Variants in SATB1 observed in about 807,000 individuals in gnomAD.
The protein encoded by SATB1 is SATB homeobox 1.
SATB1 carries 11 observed loss-of-function variants against 86.9 expected under a neutral mutation model. The ratio of observed to expected loss-of-function variants is 0.13; its 90% CI spans 0.08 to 0.21. The LOEUF is 0.21. Ranked by LOEUF, SATB1 falls within the 10% of genes least tolerant of loss-of-function variation. The pLI is 1.00. For missense variants in SATB1, 551 were observed against 937.6 expected, an observed-to-expected ratio of 0.59 and a Z score of 5.39; for synonymous variants, 357 against 357.2, an observed-to-expected ratio of 1.00 and a Z score of 0.01.
In SATB1 at chr3:18,375,407, C is replaced by T. The variant is rs193186193; in HGVS notation, c.1575+2763G>A. Among the ~76,000 whole-genome samples, 6 of 152,176 alleles carry T rather than the reference C, an allele frequency of 3.9e-5. No homozygotes were observed. In the East Asian group the frequency reaches 1.2e-3, roughly 29 times the overall value. ...CGATGGTTAAGTCAACCCAGACAAC[C>T]AGGGCAAGACACAGAAGCAGATGTA... On this transcript the variant is annotated intron_variant, in intron 9 of 10. Coordinates refer to ENST00000338745, the MANE Select transcript of SATB1 (RefSeq NM_002971.6).
chr3:18,385,625 A>G (rs1193420477), intron 8 of SATB1, among the ~76,000 whole-genome samples: 1 of 53,714 alleles, frequency 1.9e-5, no homozygotes, highest in Non-Finnish European at 3.9e-5. Context: ...TCCATCTCAA[A>G]AGAAAAAAAA....
chr3:18,347,003 T>C lies in SATB1; in HGVS notation c.*2167A>G, dbSNP rs148313415. The stretch of plus-strand genomic sequence containing the variant: ...AAGTGGCAACTTTTCAGTACAATTT[T>C]AAGTTTGCAACAAACCAGCTGCCTT... On this transcript the variant is annotated 3_prime_UTR_variant, in exon 11 of 11. Transcript: ENST00000338745. 1 of 152,312 alleles carries C rather than the reference T, an allele frequency of 6.6e-6. No homozygotes were observed. The highest frequency in any genetic ancestry group is 6.5e-5 in the Admixed American group (1 of 15,292). The allele number at this position is 152,312 out of a possible 1,614,324, so 9.4% of individuals were successfully genotyped here.
chr3:18,377,042 GC>G (rs1559413422), intron 9 of SATB1, among the ~76,000 whole-genome samples: 1 of 152,062 alleles, frequency 6.6e-6, no homozygotes, highest in Non-Finnish European at 1.5e-5. Flanking sequence ...ATTTCATCAG[GC>G]CTATAACTTA....
chr3:18,358,203 C>T (rs1483175058), intron 9 of SATB1, among the ~76,000 whole-genome samples: 1 of 151,854 alleles, frequency 6.6e-6, no homozygotes, highest in Non-Finnish European at 1.5e-5. Context: ...TTTCTTCTTT[C>T]CCATTCAAAT....
intron 9 of SATB1, among the ~76,000 whole-genome samples, chr3:18,376,583 G>T (rs1374355625): frequency 6.6e-6 from 1 of 151,424 alleles, no homozygotes; most frequent in Non-Finnish European, 1.5e-5. Context: ...AGTAGGTGGG[G>T]GGGGGGAGTG....
chr3:18,384,753 T>C (rs1269976794), intron 8 of SATB1, among the ~76,000 whole-genome samples: 1 of 152,198 alleles, frequency 6.6e-6, no homozygotes, highest in Non-Finnish European at 1.5e-5. Flanking sequence ...GAAGTCATAT[T>C]TTTTATACAT....
chr3:18,420,699 G>T, intron 2 of SATB1, 58 bp downstream of exon 2: 1 of 1,350,280 alleles, frequency 7.4e-7, no homozygotes, highest in Non-Finnish European at 1.1e-6. Context: ...CACACAGTGT[G>T]GCCTTGTGTA....
chr3:18,367,728 T>C (rs935913114), intron 9 of SATB1, among the ~76,000 whole-genome samples: 2 of 152,208 alleles, frequency 1.3e-5, no homozygotes, highest in African/African-American at 4.8e-5. Flanking sequence ...GAAGCAACTT[T>C]TTTCCCCTCT....
intron 8 of SATB1, among the ~76,000 whole-genome samples, chr3:18,385,337 T>C (rs1207078552): frequency 6.6e-6 from 1 of 152,148 alleles, no homozygotes; most frequent in Non-Finnish European, 1.5e-5. Context: ...GAAAACACAT[T>C]TGCAGCCGGG....
intron 9 of SATB1, among the ~76,000 whole-genome samples, chr3:18,365,447 G>C (rs1020310205): frequency 6.6e-6 from 1 of 152,020 alleles, no homozygotes; most frequent in African/African-American, 2.4e-5. Context: ...TTGGATGTGC[G>C]GGTGGGTAGG....
chr3:18,385,359 A>G (rs9758860), intron 8 of SATB1, among the ~76,000 whole-genome samples: 93,051 of 151,942 alleles, frequency 0.61, 29,085 homozygotes, highest in East Asian at 0.93. Flanking sequence ...GCGGTGGCTC[A>G]GGCCTGTAAT....
At chr3:18,376,579 TG>T (rs576672481) in intron 9 of SATB1, among the ~76,000 whole-genome samples, 3,354 of 106,162 alleles carry the variant, frequency 0.032, 94 homozygotes, top group African/African-American at 0.075. Flanking sequence ...GGCAAGTAGG[TG>T]GGGGGGGGGA....
At chr3:18,401,066 G>A (rs997065799) in intron 5 of SATB1, among the ~76,000 whole-genome samples, 1 of 152,160 alleles carries the variant, frequency 6.6e-6, no homozygotes, top group Admixed American at 6.5e-5. Flanking sequence ...GATACAGCCT[G>A]GGCATCCTTG....
intron 9 of SATB1, among the ~76,000 whole-genome samples, chr3:18,362,400 G>T (rs887441432): frequency 6.6e-6 from 1 of 151,998 alleles, no homozygotes; most frequent in African/African-American, 2.4e-5. Flanking sequence ...ACAAATTCAA[G>T]CGGCAGCAAA....
chr3:18,391,425 T>C (rs992598765), intron 7 of SATB1, among the ~76,000 whole-genome samples: 2 of 151,962 alleles, frequency 1.3e-5, no homozygotes, highest in African/African-American at 4.8e-5. Context: ...ATGTGCACAT[T>C]GTGCAGGTTA....
intron 9 of SATB1, among the ~76,000 whole-genome samples, chr3:18,353,251 CT>C (rs1201406735): frequency 6.6e-6 from 1 of 150,900 alleles, no homozygotes; most frequent in Non-Finnish European, 1.5e-5. Context: ...GTCTCTGCCC[CT>C]GTTTCTGAAA....
chr3:18,435,884 A>G (rs1699041291), intron 2 of SATB1, among the ~76,000 whole-genome samples: 1 of 152,178 alleles, frequency 6.6e-6, no homozygotes, highest in African/African-American at 2.4e-5. Flanking sequence ...AAAGAGACAG[A>G]ATGTGCATGA....
chr3:18,357,329 A>G (rs540266548), intron 9 of SATB1, among the ~76,000 whole-genome samples: 3 of 152,030 alleles, frequency 2.0e-5, no homozygotes, highest in Non-Finnish European at 4.4e-5. Context: ...TAAGTACATA[A>G]TCCATTAAAT....
chr3:18,386,707 GAACA>G lies in SATB1; in HGVS notation c.1207-100_1207-97del. 1.0e-6 allele frequency: 1 copy of G among 959,324 alleles called. No individual in the cohort carries two copies. The highest frequency in any genetic ancestry group is 1.6e-6 in the Non-Finnish European group (1 of 610,784). 59.4% of individuals were successfully genotyped at this position (959,324 alleles called of 1,614,324 possible). On this transcript the variant is annotated intron_variant, in intron 7 of 10. Transcript: ENST00000338745. This position sits in a 1 kb window ranked among gnomAD's most constrained non-coding sequence, Gnocchi z 4.5. ...TTCTTCTCCACTCTGTTTAGAAAAT[GAACA>G]GTCAGAGGCATTAATTCTGCATAGG... is the stretch of plus-strand genomic sequence containing the variant.
Sources: allele counts gnomAD v4.1 joint callset (sites outside exome capture counted in the v4.1 genomes callset), GRCh38; gene constraint gnomAD v4.1.1; non-coding constraint Gnocchi (gnomAD v3.1); transcripts MANE v1.5; gene names NCBI Gene and HGNC (gene_info 2026-07-23, HGNC 2026-07-21).